Variants in GOLGA3 observed in about 807,000 individuals in gnomAD.
GOLGA3 encodes the protein golgin subfamily A member 3.
A neutral mutation model predicts 169.4 loss-of-function variants in GOLGA3; 75 were observed. That is an observed-to-expected ratio of 0.44 (90% CI 0.37 to 0.54). The LOEUF is 0.54. GOLGA3 is among the 20% of genes least tolerant of loss of function. The pLI, the probability that GOLGA3 is intolerant of heterozygous loss-of-function variation, is 0.00. For synonymous variants in GOLGA3, 824 were observed against 822.4 expected, an observed-to-expected ratio of 1.00 and a Z score of -0.03; for missense variants, 1,899 against 1,930.0, an observed-to-expected ratio of 0.98 and a Z score of 0.30.
Position 132,786,714 on chromosome 12 carries a change from T to C in GOLGA3, c.2885A>G (p.Glu962Gly), listed in dbSNP as rs1161840677. The C allele has an allele frequency of 6.4e-7, 1 of 1,566,786 alleles. No individual in the cohort carries two copies. Among genetic ancestry groups the C allele is most frequent in the South Asian group, 1.1e-5 (1 of 90,162 alleles). ...ANEALKKQIE[E>G]LQQEARKAIT... The stretch of plus-strand genomic sequence containing the variant: ...TTACTTCCGGGCCTCTTGCTGCAAC[T>C]CTTCGATTTGTTTCTTCAGCGCCTC... Residue 962 changes from glutamate to glycine, a missense_variant, in exon 14 of 24, where the codon GAG becomes GGG. Coordinates refer to ENST00000450791, the MANE Select transcript of GOLGA3 (RefSeq NM_001389683.1).
chr12:132,798,964 G>A (rs986498800), intron 8 of GOLGA3, among the ~76,000 whole-genome samples: 17 of 152,334 alleles, frequency 1.1e-4, no homozygotes, highest in Admixed American at 6.5e-4. Context: ...TCAGGCCCAC[G>A]CTGGCCAAGC....
chr12:132,780,437 C>T (rs1333105006), intron 18 of GOLGA3, among the ~76,000 whole-genome samples: 6 of 152,248 alleles, frequency 3.9e-5, no homozygotes, highest in Non-Finnish European at 7.3e-5. Context: ...GCTCTCTACA[C>T]AGAGAAGGGT....
At chr12:132,798,102 G>T (rs1011481641) in intron 9 of GOLGA3, among the ~76,000 whole-genome samples, 2 of 145,878 alleles carry the variant, frequency 1.4e-5, no homozygotes, top group African/African-American at 2.5e-5. Flanking sequence ...GATGAGGGGT[G>T]GGGGGGGTCC....
intron 16 of GOLGA3, among the ~76,000 whole-genome samples, chr12:132,783,106 A>C (rs10870510): frequency 1.3e-5 from 2 of 152,098 alleles, no homozygotes; most frequent in Non-Finnish European, 2.9e-5. Flanking sequence ...TGAGGCGGGA[A>C]AATCACTTGA....
chr12:132,786,810 G>A, intron 13 of GOLGA3, 23 bp from the exon 14 acceptor site: 1 of 1,519,424 alleles, frequency 6.6e-7, no homozygotes, highest in Non-Finnish European at 9.1e-7. Flanking sequence ...AGGAGGGCGT[G>A]AGGAGCGGCA....
At position 132,822,059 on chromosome 12, in the gene GOLGA3, G is replaced by A. The variant is rs777895571; in HGVS notation, c.70C>T (p.Pro24Ser). ...CCCGGGGGCTTCAGTGGGGCCTCGG[G>A]GAGAGACGAGGGGCCACTGTGGGAT... ...DRSHSGPSSL[P>S]EAPLKPPGPL... Residue 24 changes from proline to serine, a missense_variant, in exon 2 of 24, where the codon CCC becomes TCC. Coordinates refer to ENST00000450791, the MANE Select transcript of GOLGA3 (RefSeq NM_001389683.1). 2.5e-6 allele frequency: 4 copies of A among 1,606,188 alleles called. No individual in the cohort carries two copies.
At position 132,777,920 on chromosome 12, in the gene GOLGA3, G is replaced by A. The variant is rs938162398; in HGVS notation, c.3583-115C>T. 2.9e-5 allele frequency: 34 copies of A among 1,161,104 alleles called. No homozygotes were observed. Among genetic ancestry groups the A allele is most frequent in the African/African-American group, 1.1e-4 (7 of 65,028 alleles). The allele number at this position is 1,161,104 out of a possible 1,614,324, so 71.9% of individuals were successfully genotyped here. ...CCCCGTGCATGTCCTGGCTGCCGGC[G>A]TGTGCTTCTCCACAGGCCTGTCAAG... On this transcript the variant is annotated intron_variant, in intron 18 of 23. Coordinates refer to ENST00000450791, the MANE Select transcript of GOLGA3 (RefSeq NM_001389683.1). The surrounding 1 kb of genome is among the most constrained non-coding windows in gnomAD (Gnocchi z 4.7).
At chr12:132,812,232 T>A (rs987696505) in intron 4 of GOLGA3, among the ~76,000 whole-genome samples, 20 of 130,442 alleles carry the variant, frequency 1.5e-4, no homozygotes, top group Non-Finnish European at 3.1e-4. Flanking sequence ...TATATATATT[T>A]TTTTTAACTG....
intron 16 of GOLGA3, 198 bp downstream of exon 16, chr12:132,783,966 T>A: frequency 6.8e-7 from 1 of 1,466,520 alleles, no homozygotes. Flanking sequence ...GGCTGTACAG[T>A]GATCCTCCCC....
At chr12:132,825,851 A>T in intron 1 of GOLGA3, 1 of 990,714 alleles carries the variant, frequency 1.0e-6, no homozygotes, top group Non-Finnish European at 1.6e-6. Context: ...CAAAGAGGCT[A>T]CTGAGGGCAC....
At position 132,777,407 on chromosome 12, in the gene GOLGA3, G is replaced by A. The variant is rs145820431; in HGVS notation, c.3722+259C>T. The stretch of plus-strand genomic sequence containing the variant: ...AGAGCCACAGCATCAGCCCCGCGCC[G>A]GGCCGCCCCTTCCCGCCTCTGACCT... On this transcript the variant is annotated intron_variant, in intron 19 of 23. Transcript: ENST00000450791. The surrounding 1 kb of genome is among the most constrained non-coding windows in gnomAD (Gnocchi z 4.7). Among the ~76,000 whole-genome samples the A allele has an allele frequency of 3.2e-3, 494 of 152,180 alleles. 4 individuals carry two copies. Among genetic ancestry groups the A allele is most frequent in the African/African-American group, 0.011 (467 of 41,508 alleles).
At chr12:132,773,433 AAG>A in intron 23 of GOLGA3, 139 bp from the exon 24 acceptor site, 1 of 440,034 alleles carries the variant, frequency 2.3e-6, no homozygotes, top group South Asian at 5.4e-5. Flanking sequence ...GAGACCACAG[AAG>A]CTCAGCTGTT....
chr12:132,808,554 GA>G lies in GOLGA3; in HGVS notation c.520-6del, dbSNP rs756990543. The G allele has an allele frequency of 1.9e-6, 3 of 1,564,464 alleles. No homozygotes were observed. In the South Asian group the frequency reaches 3.6e-5, roughly 19 times the overall value. Reference sequence around the variant, plus strand: ...TTTGGTTGCAGGTTGACTGGACTGAGAAGAAAACAAAAGTACAAAAATTACA... The same window carrying G: ...TTTGGTTGCAGGTTGACTGGACTGAGAGAAAACAAAAGTACAAAAATTACA... On this transcript the variant is annotated splice_region_variant and splice_polypyrimidine_tract_variant and intron_variant, in intron 4 of 23. Coordinates refer to ENST00000450791, the MANE Select transcript of GOLGA3 (RefSeq NM_001389683.1).
Position 132,796,147 on chromosome 12 carries a change from T to A in GOLGA3, c.2174A>T (p.Gln725Leu), listed in dbSNP as rs1566102236. 6.2e-7 allele frequency: 1 copy of A among 1,610,488 alleles called. No individual in the cohort carries two copies. The highest frequency in any genetic ancestry group is 8.5e-7 in the Non-Finnish European group (1 of 1,177,968). ...LQQEHLDLMK[Q>L]LTLTQEALQS... ...CAGAGCCTCCTGAGTCAAGGTGAGCTGTTTCATCAGGTCCAGGTGCTCCTG... is the reference window on the plus strand; with the variant it reads ...CAGAGCCTCCTGAGTCAAGGTGAGCAGTTTCATCAGGTCCAGGTGCTCCTG... Residue 725 changes from glutamine to leucine, a missense_variant, in exon 11 of 24, where the codon CAG becomes CTG. By Grantham distance (113) the Gln-to-Leu change is moderately radical. Coordinates refer to ENST00000450791, the MANE Select transcript of GOLGA3 (RefSeq NM_001389683.1).
At position 132,789,019 on chromosome 12, in the gene GOLGA3, G is replaced by A. The variant is rs1042804330; in HGVS notation, c.2811+8C>T. On this transcript the variant is annotated splice_region_variant and intron_variant, in intron 13 of 23. Coordinates refer to ENST00000450791, the MANE Select transcript of GOLGA3 (RefSeq NM_001389683.1). ...CCCATCAAATGAGTCAACCCGACACGGACAGACCTGCAAGTGTGTTTCCAT... is the reference window on the plus strand; with the variant it reads ...CCCATCAAATGAGTCAACCCGACACAGACAGACCTGCAAGTGTGTTTCCAT... The A allele has an allele frequency of 1.6e-5, 21 of 1,339,452 alleles. No homozygotes were observed. The highest frequency in any genetic ancestry group is 3.1e-5 in the African/African-American group (2 of 63,902). 83.0% of individuals were successfully genotyped at this position (1,339,452 alleles called of 1,614,324 possible).
At position 132,777,062 on chromosome 12, in the gene GOLGA3, T is replaced by C. The variant is rs770174460; in HGVS notation, c.3751A>G (p.Ile1251Val). The change falls in exon 20 of 24, where the codon ATA becomes GTA. Residue 1251 changes from isoleucine to valine, a missense_variant. Physicochemically the swap from Ile to Val is conservative, Grantham distance 29. Transcript: ENST00000450791. This position sits in a 1 kb window ranked among gnomAD's most constrained non-coding sequence, Gnocchi z 4.7. ...GCCAGCTCTGCTTGGAACTGTGCTA[T>C]CTCCTGGGAATGTTTCCCCTCCCGA... ...QIREGKHSQE[I>V]AQFQAELAEA... 2 of 1,600,656 alleles carry C rather than the reference T, an allele frequency of 1.2e-6. No homozygotes were observed. Among genetic ancestry groups the C allele is most frequent in the Admixed American group, 3.6e-5 (2 of 55,466 alleles).
chr12:132,788,849 T>A (rs2046064821), intron 13 of GOLGA3, among the ~76,000 whole-genome samples, 178 bp downstream of exon 13: 1 of 151,690 alleles, frequency 6.6e-6, no homozygotes, highest in Non-Finnish European at 1.5e-5. Context: ...AGGTGGGCCT[T>A]GTTCCCAGCT....
chr12:132,798,619 G>A (rs764458898), intron 8 of GOLGA3, 142 bp from the exon 9 acceptor site: 17 of 375,342 alleles, frequency 4.5e-5, no homozygotes, highest in East Asian at 3.2e-4. Flanking sequence ...CCCACTACAC[G>A]TCTTCCCATC....
At chr12:132,773,367 G>C (rs1177652472) in intron 23 of GOLGA3, 73 bp from the exon 24 acceptor site, 2 of 970,122 alleles carry the variant, frequency 2.1e-6, no homozygotes, top group Non-Finnish European at 1.5e-6. Flanking sequence ...TGTGGACAGC[G>C]TCACTCGCTA....
Sources: allele counts gnomAD v4.1 joint callset (sites outside exome capture counted in the v4.1 genomes callset), GRCh38; gene constraint gnomAD v4.1.1; non-coding constraint Gnocchi (gnomAD v3.1); transcripts MANE v1.5; gene names NCBI Gene and HGNC (gene_info 2026-07-23, HGNC 2026-07-21).